Variants in DMXL1 observed in about 807,000 individuals in gnomAD.
DMXL1 encodes the protein Dmx like 1.
A neutral mutation model predicts 319.2 loss-of-function variants in DMXL1; 99 were observed. That is an observed-to-expected ratio of 0.31 (90% CI 0.26 to 0.37). The LOEUF (loss-of-function observed/expected upper bound fraction) is 0.37. Ranked by LOEUF, DMXL1 falls within the 10% of genes least tolerant of loss-of-function variation. The pLI is 1.00. For missense variants in DMXL1, 3,745 were observed against 3,595.6 expected (o/e 1.04, Z -1.06); for synonymous variants, 1,385 against 1,235.2 (o/e 1.12, Z -2.54).
chr5:119,122,537 C>T (rs1332295662), intron 9 of DMXL1, among the ~76,000 whole-genome samples: 1 of 151,770 alleles, frequency 6.6e-6, no homozygotes, highest in African/African-American at 2.4e-5. Context: ...AGGCTCCTCA[C>T]TTCTCAGATG....
chr5:119,113,437 TTCA>T (rs1760117501), intron 5 of DMXL1, among the ~76,000 whole-genome samples: 1 of 152,160 alleles, frequency 6.6e-6, no homozygotes, highest in African/African-American at 2.4e-5. Context: ...GAGATGGGGT[TTCA>T]TCATGTTGGC....
At chr5:119,117,326 C>G (rs189193557) in intron 7 of DMXL1, among the ~76,000 whole-genome samples, 27 of 152,218 alleles carry the variant, frequency 1.8e-4, no homozygotes, top group African/African-American at 6.3e-4. Flanking sequence ...CAAGCATGAG[C>G]CATGTGCGCA....
At chr5:119,205,938 T>C (rs920484512) in intron 33 of DMXL1, among the ~76,000 whole-genome samples, 6 of 152,086 alleles carry the variant, frequency 3.9e-5, no homozygotes, top group Non-Finnish European at 7.4e-5. Context: ...ACAGGCCCTG[T>C]ATTTTGGATG....
intron 20 of DMXL1, 85 bp from the exon 21 acceptor site, chr5:119,165,098 G>T (rs1773142042): frequency 1.3e-6 from 1 of 760,224 alleles, no homozygotes; most frequent in East Asian, 2.5e-5. Context: ...AACATTCAAT[G>T]GATATGTGCC....
chr5:119,233,346 C>T lies in DMXL1; in HGVS notation c.8345C>T (p.Thr2782Ile). 3 of 1,611,876 alleles carry T rather than the reference C, an allele frequency of 1.9e-6. No homozygotes were observed. The highest frequency in any genetic ancestry group is 2.2e-5 in the South Asian group (2 of 90,748). ...TSHPTLPYYL[T>I]GAQDGSVRMF... ...TTGCCCTCTTGTAATGCAGATCTGACAGGAGCTCAAGATGGAAGTGTCAGA... is the reference window on the plus strand; with the variant it reads ...TTGCCCTCTTGTAATGCAGATCTGATAGGAGCTCAAGATGGAAGTGTCAGA... The change falls in exon 39 of 44, where the codon ACA (threonine) becomes ATA (isoleucine). Residue 2782 changes from threonine to isoleucine, a missense_variant. By Grantham distance (89) the Thr-to-Ile change is moderately conservative. Coordinates refer to ENST00000539542, the MANE Select transcript of DMXL1 (RefSeq NM_001290321.3).
chr5:119,173,672 A>ATGTGTGTGTGTGTGTGTGTGTG (rs771056976), intron 25 of DMXL1, among the ~76,000 whole-genome samples: 35 of 110,220 alleles, frequency 3.2e-4, no homozygotes, highest in African/African-American at 1.0e-3. Flanking sequence ...AGTAGGATGT[A>ATGTGTGTGTGTGTGTGTGTGTG]TGTGTGTGTG....
Position 119,170,381 on chromosome 5 carries a change from G to T in DMXL1, c.5590G>T (p.Ala1864Ser), listed in dbSNP as rs769533348. Residue 1864 changes from alanine to serine, a missense_variant, in exon 24 of 44, where the codon GCT becomes TCT. Coordinates refer to ENST00000539542, the MANE Select transcript of DMXL1 (RefSeq NM_001290321.3). ...ACGTTTATTTTTTACCACTGCCAGT[G>T]CTCATTTAAAAGCTGGCTGCCCAAT... The part of the protein sequence containing the change: ...ERRLFFTTAS[A>S]HLKAGCPMLA... 42 of 1,613,904 alleles carry T rather than the reference G, an allele frequency of 2.6e-5. No individual in the cohort carries two copies. Among genetic ancestry groups the T allele is most frequent in the Non-Finnish European group, 3.5e-5 (41 of 1,179,908 alleles).
intron 38 of DMXL1, among the ~76,000 whole-genome samples, chr5:119,232,036 T>G (rs1160092679): frequency 1.3e-5 from 2 of 152,128 alleles, no homozygotes; most frequent in Non-Finnish European, 2.9e-5. Context: ...TATGGCTACT[T>G]ACAGCACAAT....
chr5:119,189,943 C>T, intron 29 of DMXL1, 57 bp downstream of exon 29: 1 of 1,497,812 alleles, frequency 6.7e-7, no homozygotes, highest in Non-Finnish European at 9.1e-7. Context: ...ATGAGAATAT[C>T]AGAAATAAGT....
At chr5:119,072,777 C>T (rs1749918936) in intron 1 of DMXL1, among the ~76,000 whole-genome samples, 1 of 152,080 alleles carries the variant, frequency 6.6e-6, no homozygotes, top group African/African-American at 2.4e-5. Flanking sequence ...AGAGACTGTA[C>T]CTCCCCTTTA....
intron 34 of DMXL1, among the ~76,000 whole-genome samples, chr5:119,214,798 T>G (rs1378913701): frequency 1.3e-5 from 2 of 152,200 alleles, no homozygotes; most frequent in East Asian, 3.8e-4. Context: ...AAAGGTTTTT[T>G]GAAGTTCATA....
At chr5:119,139,683 T>C (rs556105994) in intron 13 of DMXL1, among the ~76,000 whole-genome samples, 1 of 152,240 alleles carries the variant, frequency 6.6e-6, no homozygotes, top group Admixed American at 6.5e-5. Context: ...AGTGGGAGCC[T>C]TCAACACTTC....
At chr5:119,144,665 GA>G (rs1291609787) in intron 15 of DMXL1, 27 bp downstream of exon 15, 1 of 1,399,928 alleles carries the variant, frequency 7.1e-7, no homozygotes, top group Non-Finnish European at 1.0e-6. Context: ...TATGGAATGA[GA>G]AATACTATGT....
At chr5:119,202,756 C>T (rs1780936900) in intron 32 of DMXL1, among the ~76,000 whole-genome samples, 1 of 150,980 alleles carries the variant, frequency 6.6e-6, no homozygotes, top group African/African-American at 2.4e-5. Flanking sequence ...GAGGCTGAGG[C>T]AGGAGAATCG....
intron 29 of DMXL1, among the ~76,000 whole-genome samples, chr5:119,193,535 C>G (rs1442177724): frequency 6.6e-6 from 1 of 151,886 alleles, no homozygotes; most frequent in Non-Finnish European, 1.5e-5. Context: ...TATTTTTTTC[C>G]AGTAACATGT....
intron 13 of DMXL1, among the ~76,000 whole-genome samples, chr5:119,142,217 CAA>C (rs1333515697): frequency 3.3e-5 from 5 of 151,934 alleles, no homozygotes; most frequent in African/African-American, 7.2e-5. Flanking sequence ...GATTTCATGA[CAA>C]AGACATCAAA....
At chr5:119,197,658 C>A in intron 31 of DMXL1, 97 bp from the exon 32 acceptor site, 1 of 1,067,014 alleles carries the variant, frequency 9.4e-7, no homozygotes, top group Non-Finnish European at 1.4e-6. Flanking sequence ...TTTTTTTTTC[C>A]TGCATCTGCT....
At position 119,193,741 on chromosome 5, in the gene DMXL1, T is replaced by C. The variant is rs1779108430; in HGVS notation, c.7315-87T>C. Reference sequence around the variant, plus strand: ...TCTCTTATAATGAAGTATCTGCAAATGAGATGAATTATTACTATTAGACTG... The same window carrying C: ...TCTCTTATAATGAAGTATCTGCAAACGAGATGAATTATTACTATTAGACTG... On this transcript the variant is annotated intron_variant, in intron 29 of 43. Transcript: ENST00000539542. 5 of 1,265,256 alleles carry C rather than the reference T, an allele frequency of 4.0e-6. No individual in the cohort carries two copies. In the South Asian group the frequency reaches 6.6e-5, roughly 17 times the overall value. The allele number at this position is 1,265,256 out of a possible 1,614,324, so 78.4% of individuals were successfully genotyped here. A position where few individuals can be genotyped will look rare whatever the true frequency, so the allele number is the denominator to read the frequency against.
At chr5:119,134,865 A>G (rs1765652838) in intron 13 of DMXL1, among the ~76,000 whole-genome samples, 1 of 152,230 alleles carries the variant, frequency 6.6e-6, no homozygotes, top group Non-Finnish European at 1.5e-5. Flanking sequence ...ACCTAATAAC[A>G]ACCTTCTAAC....
Sources: gnomAD v4.1 joint callset for allele counts (sites outside exome capture counted in the v4.1 genomes callset) on GRCh38, gnomAD v4.1.1 for gene constraint, MANE v1.5 for transcripts, NCBI Gene and HGNC (gene_info 2026-07-23, HGNC 2026-07-21) for gene names.